MPHOSPH10: variants seen among roughly 807,000 people sequenced by gnomAD.
MPHOSPH10 encodes the protein M-phase phosphoprotein 10, also known as U3 small nucleolar ribonucleoprotein MPP10.
Under a neutral mutation model 77.3 loss-of-function variants are expected in MPHOSPH10, and 33 were observed. The ratio of observed to expected loss-of-function variants is 0.43; its 90% CI spans 0.32 to 0.57. MPHOSPH10 has a LOEUF of 0.57. Ranked by LOEUF, MPHOSPH10 falls within the 20% of genes least tolerant of loss-of-function variation. The probability of loss-of-function intolerance (pLI) is 0.07; values close to 1 mark genes in which losing one functional copy is unlikely to be tolerated. For synonymous variants in MPHOSPH10, 245 were observed against 268.0 expected (o/e 0.91, Z 0.84); for missense variants, 708 against 780.1 (o/e 0.91, Z 1.10).
chr2:71,149,156 C>A, intron 9 of MPHOSPH10, 67 bp from the exon 10 acceptor site: 1 of 1,424,244 alleles, frequency 7.0e-7, no homozygotes, highest in South Asian at 1.4e-5. Context: ...CCTGCAGTTT[C>A]TTCCATTCCA....
intron 6 of MPHOSPH10, among the ~76,000 whole-genome samples, chr2:71,140,111 G>C (rs1314405117): frequency 6.6e-6 from 1 of 152,180 alleles, no homozygotes; most frequent in East Asian, 1.9e-4. Flanking sequence ...CTGACCTTTT[G>C]GGCGGTGCTC....
chr2:71,132,847 C>A, intron 1 of MPHOSPH10, 51 bp from the exon 2 acceptor site: 1 of 1,510,278 alleles, frequency 6.6e-7, no homozygotes, highest in Non-Finnish European at 8.9e-7. Context: ...ATTAAGAGTG[C>A]TGTGAAATTA....
intron 7 of MPHOSPH10, 111 bp from the exon 8 acceptor site, chr2:71,144,317 G>T (rs940828022): frequency 1.9e-5 from 15 of 807,728 alleles, no homozygotes; most frequent in Admixed American, 2.8e-5. Flanking sequence ...TTTCTTTGTA[G>T]CTGAAGCTTT....
rs557539926 is a variant in MPHOSPH10 at position 71,140,536 on chromosome 2, C to G, written c.1308+674C>G. 1.8e-4 allele frequency among the ~76,000 whole-genome samples: 28 copies of G among 152,302 alleles called. No individual in the cohort carries two copies. In the South Asian group the frequency reaches 4.6e-3, roughly 25 times the overall value. The stretch of plus-strand genomic sequence containing the variant: ...AGAAGGCCCCACATCTGAGTGTTGC[C>G]ACATCAGGGATTAAGTTTCCACATG... On this transcript the variant is annotated intron_variant, in intron 6 of 10. Transcript: ENST00000244230.
In MPHOSPH10 at chr2:71,149,896, T is replaced by C; in HGVS notation, c.1927T>C (p.Ser643Pro). Residue 643 changes from serine (S) to proline (P), a missense_variant, in exon 11 of 11, where the codon TCT (serine) becomes CCT (proline). Coordinates refer to ENST00000244230, the MANE Select transcript of MPHOSPH10 (RefSeq NM_005791.3). ...AGGTAAAGACAAGGCCTTAAAGTCC[T>C]CTCAAGCATTCTTTTCTAAATTACA... ...DEGKDKALKS[S>P]QAFFSKLQDQ... The C allele has an allele frequency of 6.4e-7, 1 of 1,571,396 alleles. No homozygotes were observed. The highest frequency in any genetic ancestry group is 8.6e-7 in the Non-Finnish European group (1 of 1,167,656).
intron 4 of MPHOSPH10, among the ~76,000 whole-genome samples, chr2:71,136,499 A>T (rs1673492850): frequency 6.6e-6 from 1 of 152,026 alleles, no homozygotes; most frequent in Non-Finnish European, 1.5e-5. Context: ...TGGGCAACAG[A>T]GCTAGAGACT....
chr2:71,138,586 A>T lies in MPHOSPH10; in HGVS notation c.1195A>T (p.Ser399Cys). The change falls in exon 5 of 11, where the codon AGC becomes TGC. Residue 399 changes from serine to cysteine, a missense_variant. Physicochemically the swap from Ser to Cys is moderately radical, Grantham distance 112 (BLOSUM62 -1). Transcript: ENST00000244230. The part of the protein sequence containing the change: ...EVTAQKRPEN[S>C]LLEETLHFDH... ...GACAGCACAGAAGAGGCCAGAGAACAGCCTCCTGGAGGAGACCCTACACTT... is the reference window on the plus strand; with the variant it reads ...GACAGCACAGAAGAGGCCAGAGAACTGCCTCCTGGAGGAGACCCTACACTT... 1.2e-6 allele frequency: 2 copies of T among 1,614,222 alleles called. No individual in the cohort carries two copies. Among genetic ancestry groups the T allele is most frequent in the Non-Finnish European group, 1.7e-6 (2 of 1,180,036 alleles).
chr2:71,134,822 TA>T lies in MPHOSPH10; in HGVS notation c.1098+27del, dbSNP rs1362393819. Reference sequence around the variant, plus strand: ...GGTAATTAGTAATTTAAGGAATTTTTAATATACTTGATATTAACCATCCTTT... The same window carrying T: ...GGTAATTAGTAATTTAAGGAATTTTTATATACTTGATATTAACCATCCTTT... On this transcript the variant is annotated intron_variant, in intron 4 of 10. Coordinates refer to ENST00000244230, the MANE Select transcript of MPHOSPH10 (RefSeq NM_005791.3). 6 of 1,486,652 alleles carry T rather than the reference TA, an allele frequency of 4.0e-6. No individual in the cohort carries two copies. In the African/African-American group the frequency reaches 8.5e-5, roughly 21 times the overall value. The allele number at this position is 1,486,652 out of a possible 1,614,324, so 92.1% of individuals were successfully genotyped here.
At chr2:71,148,137 C>A (rs1483985360) in intron 9 of MPHOSPH10, 31 bp downstream of exon 9, 2 of 1,559,602 alleles carry the variant, frequency 1.3e-6, no homozygotes, top group African/African-American at 1.4e-5. Flanking sequence ...CCTTAAATGT[C>A]TGTTACAAGT....
At chr2:71,135,917 C>G (rs1469068568) in intron 4 of MPHOSPH10, among the ~76,000 whole-genome samples, 1 of 151,980 alleles carries the variant, frequency 6.6e-6, no homozygotes, top group African/African-American at 2.4e-5. Context: ...GTTGGCCAGG[C>G]TGGTCTGAAG....
chr2:71,136,504 G>A (rs1281174653), intron 4 of MPHOSPH10, among the ~76,000 whole-genome samples: 1 of 151,734 alleles, frequency 6.6e-6, no homozygotes, highest in Non-Finnish European at 1.5e-5. Context: ...AACAGAGCTA[G>A]AGACTGTCTG....
At chr2:71,148,423 T>G (rs555261698) in intron 9 of MPHOSPH10, 1 of 221,956 alleles carries the variant, frequency 4.5e-6, no homozygotes, top group East Asian at 9.4e-5. Context: ...GCATTGCATA[T>G]ATACTAGCAA....
At chr2:71,143,741 TC>T (rs1232915397) in intron 7 of MPHOSPH10, among the ~76,000 whole-genome samples, 1 of 152,228 alleles carries the variant, frequency 6.6e-6, no homozygotes, top group African/African-American at 2.4e-5. Flanking sequence ...CTGACCTCTT[TC>T]AGTTAGTGTT....
chr2:71,133,943 T>C lies in MPHOSPH10; in HGVS notation c.769-5T>C. 6.6e-7 allele frequency: 1 copy of C among 1,523,276 alleles called. No individual in the cohort carries two copies. The highest frequency in any genetic ancestry group is 1.9e-4 in the Middle Eastern group (1 of 5,212). 94.4% of individuals were successfully genotyped at this position (1,523,276 alleles called of 1,614,324 possible). On this transcript the variant is annotated splice_region_variant and splice_polypyrimidine_tract_variant and intron_variant, in intron 2 of 10. Coordinates refer to ENST00000244230, the MANE Select transcript of MPHOSPH10 (RefSeq NM_005791.3). ...TTAATAGTTTTTAATATCTTTTTAT[T>C]TTAGTCAGGTAAAAGTTCCAGAAAT...
chr2:71,147,883 GA>G (rs1673748817), intron 8 of MPHOSPH10, 115 bp from the exon 9 acceptor site: 3 of 759,384 alleles, frequency 4.0e-6, no homozygotes, highest in Admixed American at 2.7e-5. Flanking sequence ...GTGAAAAAAA[GA>G]TAATCTCCAT....
At chr2:71,132,778 C>A in intron 1 of MPHOSPH10, 120 bp from the exon 2 acceptor site, 1 of 1,308,612 alleles carries the variant, frequency 7.6e-7, no homozygotes, top group Non-Finnish European at 1.0e-6. Flanking sequence ...GGGCCAGAAT[C>A]TATACTTATA....
At chr2:71,132,649 A>G (rs1319241713) in intron 1 of MPHOSPH10, among the ~76,000 whole-genome samples, 1 of 152,222 alleles carries the variant, frequency 6.6e-6, no homozygotes, top group East Asian at 1.9e-4. Context: ...TTCACTATAT[A>G]TCTCCAAGCA....
intron 8 of MPHOSPH10, among the ~76,000 whole-genome samples, chr2:71,145,773 C>G (rs1311744715): frequency 1.3e-5 from 2 of 152,154 alleles, no homozygotes; most frequent in African/African-American, 4.8e-5. Context: ...TACCCCCACC[C>G]CCACTGATCT....
At chr2:71,140,778 T>C (rs1673595475) in intron 6 of MPHOSPH10, among the ~76,000 whole-genome samples, 1 of 152,178 alleles carries the variant, frequency 6.6e-6, no homozygotes, top group African/African-American at 2.4e-5. Flanking sequence ...CACTTGTGGG[T>C]CTAAAATAGA....
Sources: gnomAD v4.1 joint callset for allele counts (sites outside exome capture counted in the v4.1 genomes callset) on GRCh38, gnomAD v4.1.1 for gene constraint, MANE v1.5 for transcripts, NCBI Gene and HGNC (gene_info 2026-07-23, HGNC 2026-07-21) for gene names.